The following ADD1 variants were observed in gnomAD, a reference collection of about 807,000 sequenced individuals.
The protein encoded by ADD1 is adducin 1.
A neutral mutation model predicts 80.5 loss-of-function variants in ADD1; 24 were observed. That is an observed-to-expected ratio of 0.30 (90% CI 0.22 to 0.42). The LOEUF (loss-of-function observed/expected upper bound fraction) is 0.42. ADD1 is among the 10% of genes least tolerant of loss of function. The pLI is 1.00. For missense variants in ADD1, 948 were observed against 1,019.0 expected (o/e 0.93, Z 0.95); for synonymous variants, 373 against 393.8 (o/e 0.95, Z 0.63).
chr4:2,921,543 A>G (rs945209920), intron 14 of ADD1, among the ~76,000 whole-genome samples: 13 of 152,224 alleles, frequency 8.5e-5, no homozygotes, highest in African/African-American at 2.6e-4. Context: ...GGGTAACCCA[A>G]CCTTTCTCTC....
chr4:2,898,350 A>G (rs2109025465), intron 7 of ADD1, 23 bp downstream of exon 7: 1 of 1,614,248 alleles, frequency 6.2e-7, no homozygotes, highest in Non-Finnish European at 8.5e-7. Flanking sequence ...CTAATCTGGT[A>G]TTTAAATTAC....
intron 13 of ADD1, among the ~76,000 whole-genome samples, chr4:2,911,967 T>C (rs1031978001): frequency 1.3e-5 from 2 of 152,208 alleles, no homozygotes; most frequent in Non-Finnish European, 2.9e-5. Context: ...CCTTGGACTC[T>C]CTCAGTGACC....
At chr4:2,852,193 T>TCTTTCTTTC (rs1560138273) in intron 1 of ADD1, among the ~76,000 whole-genome samples, 12 of 78,328 alleles carry the variant, frequency 1.5e-4, no homozygotes, top group South Asian at 3.7e-4. Context: ...TTTCTTTCTT[T>TCTTTCTTTC]CTTTCCTTTC....
chr4:2,909,476 C>T lies in ADD1; in HGVS notation c.1791+45C>T, dbSNP rs774099732. 5 of 1,405,572 alleles carry T rather than the reference C, an allele frequency of 3.6e-6. No individual in the cohort carries two copies. The African/African-American group carries it at 7.2e-5, about 20-fold the overall frequency. The allele number at this position is 1,405,572 out of a possible 1,614,324, so 87.1% of individuals were successfully genotyped here. A position where few individuals can be genotyped will look rare whatever the true frequency, so the allele number is the denominator to read the frequency against. ...CACTACCTGTCTATGCGCCTTGCTC[C>T]CCTCCCCTCCCCCCTCCCCGTCTCC... On this transcript the variant is annotated intron_variant, in intron 13 of 15. Transcript: ENST00000683351.
intron 2 of ADD1, among the ~76,000 whole-genome samples, chr4:2,880,163 G>A (rs1036383972): frequency 5.9e-5 from 9 of 151,826 alleles, no homozygotes; most frequent in African/African-American, 1.7e-4. Context: ...CCTTCCTCAC[G>A]GATGACTACA....
In ADD1 at chr4:2,914,997, G is replaced by A. The variant is rs1253925165; in HGVS notation, c.1905G>A (p.Glu635=). The change falls in exon 14 of 16, where the codon GAG becomes GAA. Residue 635 remains glutamate, a synonymous_variant. Coordinates refer to ENST00000683351, the MANE Select transcript of ADD1 (RefSeq NM_001354761.2). The part of the protein sequence containing the change: ...PFTTLTDREL[E]EYRREVERKQ... ...CCACACTCACAGACCGTGAGCTGGAGGAGTACCGCAGGGAGGTGGAGAGGA... is the reference window on the plus strand; with the variant it reads ...CCACACTCACAGACCGTGAGCTGGAAGAGTACCGCAGGGAGGTGGAGAGGA... 2 of 1,614,002 alleles carry A rather than the reference G, an allele frequency of 1.2e-6. No individual in the cohort carries two copies. Among genetic ancestry groups the A allele is most frequent in the Non-Finnish European group, 1.7e-6 (2 of 1,180,004 alleles).
intron 1 of ADD1, among the ~76,000 whole-genome samples, chr4:2,856,584 GTTTTTTT>G (rs35341139): frequency 1.9e-5 from 2 of 105,812 alleles, no homozygotes; most frequent in Non-Finnish European, 3.9e-5. Flanking sequence ...GGTTACTAGA[GTTTTTTT>G]TTTTTTTTTT....
chr4:2,860,395 C>T (rs866117241), intron 1 of ADD1, among the ~76,000 whole-genome samples: 3 of 152,122 alleles, frequency 2.0e-5, no homozygotes, highest in Non-Finnish European at 4.4e-5. Context: ...TTGTGAGTGG[C>T]GAACTTGTGA....
At chr4:2,887,696 G>A (rs1450798509) in intron 4 of ADD1, 3 of 152,218 alleles carry the variant, frequency 2.0e-5, no homozygotes, top group South Asian at 4.1e-4. Flanking sequence ...GTGCTTCAGG[G>A]ACGTGATAGT....
chr4:2,858,266 A>G lies in ADD1; in HGVS notation c.-21+14242A>G, dbSNP rs146982972. On this transcript the variant is annotated intron_variant, in intron 1 of 15. Coordinates refer to ENST00000683351, the MANE Select transcript of ADD1 (RefSeq NM_001354761.2). ...GATGATGCTATTGCTGCTACTGCTA[A>G]TAATAATAGTGATAGCTACCACTTA... is the stretch of plus-strand genomic sequence containing the variant. Among the ~76,000 whole-genome samples the G allele has an allele frequency of 1.1e-3, 168 of 152,352 alleles. 1 individual carries two copies. The highest frequency in any genetic ancestry group is 3.6e-3 in the Admixed American group (55 of 15,304).
At chr4:2,919,296 T>C (rs1277317188) in intron 14 of ADD1, among the ~76,000 whole-genome samples, 3 of 152,226 alleles carry the variant, frequency 2.0e-5, no homozygotes. Context: ...AAATTTTCTT[T>C]TTTTGTTGTG....
intron 10 of ADD1, chr4:2,907,333 C>G (rs1277004769): frequency 5.8e-6 from 1 of 172,568 alleles, no homozygotes; most frequent in Non-Finnish European, 1.3e-5. Context: ...GTAGCAGCAT[C>G]ACATTGCTTT....
intron 13 of ADD1, among the ~76,000 whole-genome samples, chr4:2,911,311 G>A (rs1037527241): frequency 3.9e-5 from 6 of 152,098 alleles, no homozygotes; most frequent in African/African-American, 1.4e-4. Context: ...CATTCCCACA[G>A]TGCAAGTGTT....
At chr4:2,907,152 C>A (rs114567117) in intron 10 of ADD1, 2 of 152,222 alleles carry the variant, frequency 1.3e-5, no homozygotes, top group Non-Finnish European at 2.9e-5. Flanking sequence ...ATAAAATATT[C>A]GACATCACCA....
chr4:2,873,711 G>A (rs1046577475), intron 1 of ADD1, among the ~76,000 whole-genome samples: 28 of 151,970 alleles, frequency 1.8e-4, no homozygotes, highest in African/African-American at 6.3e-4. Flanking sequence ...GATTTTCTTT[G>A]GTCTTTTATT....
chr4:2,855,656 G>C (rs146377733), intron 1 of ADD1, among the ~76,000 whole-genome samples: 36 of 150,514 alleles, frequency 2.4e-4, no homozygotes, highest in Middle Eastern at 3.4e-3. Flanking sequence ...TCTTTTTAAA[G>C]AGACACAGTC....
At chr4:2,885,709 A>G (rs1008547564) in intron 4 of ADD1, among the ~76,000 whole-genome samples, 1 of 151,630 alleles carries the variant, frequency 6.6e-6, no homozygotes, top group Non-Finnish European at 1.5e-5. Context: ...TCCCGGGTTC[A>G]CGCCATTCTC....
In ADD1 at chr4:2,926,278, A is replaced by G. The variant is rs757065530; in HGVS notation, c.2047+166A>G. ...TCCTATATTGCTTCTGTCCTGGGTA[A>G]CTCCAGGCAAAACAGATTTGTATGT... is the stretch of plus-strand genomic sequence containing the variant. On this transcript the variant is annotated intron_variant, in intron 15 of 15. Transcript: ENST00000683351. The surrounding 1 kb of genome is among the most constrained non-coding windows in gnomAD (Gnocchi z 5.0). 6.7e-6 allele frequency: 5 copies of G among 749,204 alleles called. No individual in the cohort carries two copies. In the African/African-American group the frequency reaches 8.6e-5, roughly 13 times the overall value. The allele number at this position is 749,204 out of a possible 1,614,324, so 46.4% of individuals were successfully genotyped here. A position where few individuals can be genotyped will look rare whatever the true frequency, so the allele number is the denominator to read the frequency against.
chr4:2,886,600 G>T lies in ADD1; in HGVS notation c.510+1934G>T, dbSNP rs559092530. 2.6e-5 allele frequency among the ~76,000 whole-genome samples: 4 copies of T among 152,310 alleles called. No individual in the cohort carries two copies. In the East Asian group the frequency reaches 7.7e-4, roughly 29 times the overall value. ...GGAATATAAATTCCACAGGGAGAGCGTCTGTTGTGGTCCCTGCTGTGGCCC... is the reference window on the plus strand; with the variant it reads ...GGAATATAAATTCCACAGGGAGAGCTTCTGTTGTGGTCCCTGCTGTGGCCC... On this transcript the variant is annotated intron_variant, in intron 4 of 15. Transcript: ENST00000683351.
Sources: allele counts gnomAD v4.1 joint callset (sites outside exome capture counted in the v4.1 genomes callset), GRCh38; gene constraint gnomAD v4.1.1; non-coding constraint Gnocchi (gnomAD v3.1); transcripts MANE v1.5; gene names NCBI Gene and HGNC (gene_info 2026-07-23, HGNC 2026-07-21).